TBCD: variants seen among roughly 807,000 people sequenced by gnomAD.
TBCD encodes the protein tubulin-specific chaperone D.
A neutral mutation model predicts 169.3 loss-of-function variants in TBCD; 105 were observed. The observed-to-expected ratio is 0.62, with a 90% CI of 0.53 to 0.73. TBCD has a LOEUF of 0.73. Among genes scored for constraint, TBCD ranks in the 30% least tolerant of loss-of-function variants. The pLI, the probability that TBCD is intolerant of heterozygous loss-of-function variation, is 0.00. For missense variants in TBCD, 1,444 were observed against 1,600.1 expected (o/e 0.90, Z 1.66); for synonymous variants, 700 against 643.9 (o/e 1.09, Z -1.32).
chr17:82,886,889 C>T (rs1466026116), intron 15 of TBCD, among the ~76,000 whole-genome samples: 3 of 151,212 alleles, frequency 2.0e-5, no homozygotes, highest in Non-Finnish European at 3.0e-5. Flanking sequence ...AGGATGGTCT[C>T]GAACTCCTGA....
chr17:82,910,813 G>A (rs959251339), intron 22 of TBCD, among the ~76,000 whole-genome samples: 4 of 152,170 alleles, frequency 2.6e-5, no homozygotes, highest in African/African-American at 4.8e-5. Context: ...CGATCCGCCC[G>A]CCTCGGCCTT....
chr17:82,800,859 T>A lies in TBCD; in HGVS notation c.818-5T>A. ...TCCTGCGCTGAGTCCAGTTCTTGTT[T>A]GCAGCTGCCACTGTCCTCAGGTGCC... On this transcript the variant is annotated splice_region_variant and splice_polypyrimidine_tract_variant and intron_variant, in intron 8 of 38. Transcript: ENST00000355528. 2 of 1,611,832 alleles carry A rather than the reference T, an allele frequency of 1.2e-6. No homozygotes were observed. The highest frequency in any genetic ancestry group is 1.7e-6 in the Non-Finnish European group (2 of 1,179,238).
rs887922919 is a variant in TBCD at position 82,927,431 on chromosome 17, C to A, written c.2609+108C>A. The A allele has an allele frequency of 4.2e-6, 6 of 1,426,114 alleles. No homozygotes were observed. In the African/African-American group the frequency reaches 8.6e-5, roughly 21 times the overall value. 88.3% of individuals were successfully genotyped at this position (1,426,114 alleles called of 1,614,324 possible). ...AGGGAGAAATCTTTGTAGATTTGTG[C>A]CGTGTTTTGCGTTTTAAAGGCTCTG... On this transcript the variant is annotated intron_variant, in intron 29 of 38. Coordinates refer to ENST00000355528, the MANE Select transcript of TBCD (RefSeq NM_005993.5).
chr17:82,852,749 C>T (rs1362833344), intron 13 of TBCD, among the ~76,000 whole-genome samples: 2 of 152,174 alleles, frequency 1.3e-5, no homozygotes, highest in South Asian at 2.1e-4. Flanking sequence ...ACATGGAGGC[C>T]GCATTTTATT....
chr17:82,860,867 G>A (rs566899738), intron 13 of TBCD, among the ~76,000 whole-genome samples: 5 of 152,322 alleles, frequency 3.3e-5, no homozygotes, highest in Admixed American at 2.0e-4. Flanking sequence ...ATGCTCTGGC[G>A]GGCGGCACTG....
Position 82,944,948 on chromosome 17 carries a change from G to A in TBCD, c.*2485G>A, listed in dbSNP as rs1182410680. Reference sequence around the variant, plus strand: ...TATCTCAATCTATCTCCCCTGAAGTGGCCTGAATTAATACTACCTGTATGA... The same window carrying A: ...TATCTCAATCTATCTCCCCTGAAGTAGCCTGAATTAATACTACCTGTATGA... On this transcript the variant is annotated 3_prime_UTR_variant, in exon 39 of 39. Transcript: ENST00000355528. 1.3e-5 allele frequency: 2 copies of A among 152,178 alleles called. No homozygotes were observed. Among genetic ancestry groups the A allele is most frequent in the Non-Finnish European group, 2.9e-5 (2 of 68,044 alleles). 9.4% of individuals were successfully genotyped at this position (152,178 alleles called of 1,614,324 possible). A position where few individuals can be genotyped will look rare whatever the true frequency, so the allele number is the denominator to read the frequency against.
chr17:82,758,866 G>A (rs1301297003), intron 2 of TBCD, among the ~76,000 whole-genome samples: 2 of 151,334 alleles, frequency 1.3e-5, no homozygotes, highest in Non-Finnish European at 2.9e-5. Flanking sequence ...TCACCATGTT[G>A]GCCAGGCTGG....
intron 13 of TBCD, among the ~76,000 whole-genome samples, chr17:82,829,108 C>T (rs867004254): frequency 2.7e-5 from 4 of 150,890 alleles, no homozygotes; most frequent in Non-Finnish European, 3.0e-5. Flanking sequence ...ATGCGCACCC[C>T]CCACAGATAT....
chr17:82,819,653 C>T (rs979848485), intron 13 of TBCD, among the ~76,000 whole-genome samples: 3 of 152,158 alleles, frequency 2.0e-5, no homozygotes, highest in African/African-American at 7.2e-5. Flanking sequence ...GCTGCACTCA[C>T]GCGATCCTCC....
rs1461015939 is a variant in TBCD, at chr17:82,752,190, C to G, written c.-4C>G. ...GGCGGGGGCGCGGTCCCCAGGCTGC[C>G]GAGATGGCCCTGAGCGACGAACCGG... is the stretch of plus-strand genomic sequence containing the variant. On this transcript the variant is annotated 5_prime_UTR_variant, in exon 1 of 39. Transcript: ENST00000355528. 14 of 1,516,082 alleles carry G rather than the reference C, an allele frequency of 9.2e-6. No homozygotes were observed. The highest frequency in any genetic ancestry group is 1.1e-5 in the Non-Finnish European group (13 of 1,134,526). The allele number at this position is 1,516,082 out of a possible 1,614,324, so 93.9% of individuals were successfully genotyped here.
At chr17:82,790,500 TG>T (rs1009744154) in intron 7 of TBCD, among the ~76,000 whole-genome samples, 3 of 152,102 alleles carry the variant, frequency 2.0e-5, no homozygotes, top group African/African-American at 4.8e-5. Context: ...CCGTGTGTCC[TG>T]GTGTCTTTGC....
chr17:82,787,525 C>T (rs758432531), intron 7 of TBCD, among the ~76,000 whole-genome samples: 2 of 152,194 alleles, frequency 1.3e-5, no homozygotes, highest in South Asian at 2.1e-4. Context: ...AGGAGGAAGT[C>T]GTGCTGGGTG....
At chr17:82,929,659 C>CTCCTGGG in intron 32 of TBCD, 159 bp downstream of exon 32, 1 of 1,033,910 alleles carries the variant, frequency 9.7e-7, no homozygotes, top group Non-Finnish European at 1.4e-6. Context: ...CAGTGTCTTC[C>CTCCTGGG]TCATGACCCA....
intron 7 of TBCD, among the ~76,000 whole-genome samples, chr17:82,796,925 G>GT (rs1213819681): frequency 2.6e-5 from 4 of 152,220 alleles, no homozygotes; most frequent in Non-Finnish European, 5.9e-5. Context: ...TTTCCGTGTG[G>GT]TGGGCGACAG....
At chr17:82,768,321 C>G (rs1300630600) in intron 4 of TBCD, 99 bp from the exon 5 acceptor site, 1 of 1,413,846 alleles carries the variant, frequency 7.1e-7, no homozygotes, top group Admixed American at 1.8e-5. Context: ...CTTTCATAGG[C>G]ATTGGGTGGG....
intron 18 of TBCD, among the ~76,000 whole-genome samples, chr17:82,901,130 G>GT (rs1481992746): frequency 6.6e-6 from 1 of 152,266 alleles, no homozygotes; most frequent in East Asian, 1.9e-4. Flanking sequence ...GAGCCCAGCA[G>GT]TTCTTAGTGG....
chr17:82,937,121 G>A, intron 34 of TBCD, 150 bp from the exon 35 acceptor site: 1 of 650,014 alleles, frequency 1.5e-6, no homozygotes, highest in African/African-American at 1.8e-5. Context: ...ATGGGGACCA[G>A]CGGACTTGCT....
intron 13 of TBCD, among the ~76,000 whole-genome samples, chr17:82,826,317 T>C (rs2052845949): frequency 6.6e-6 from 1 of 152,146 alleles, no homozygotes; most frequent in African/African-American, 2.4e-5. Context: ...AAATTATGAG[T>C]ACAGAGTTGA....
rs754339616 is a variant in TBCD at position 82,929,392 on chromosome 17, A to G, written c.2883A>G (p.Ala961=). The G allele has an allele frequency of 1.2e-6, 2 of 1,612,920 alleles. No homozygotes were observed. The highest frequency in any genetic ancestry group is 2.2e-5 in the South Asian group (2 of 91,068). The change falls in exon 32 of 39, where the codon GCA becomes GCG. Residue 961 remains alanine (A), a synonymous_variant. Coordinates refer to ENST00000355528, the MANE Select transcript of TBCD (RefSeq NM_005993.5). ...ATGTGGCCTCCGTGAACTGGAGTGC[A>G]CCTTCCCAGGCCTTCCCACGCATCA... ...RSDVASVNWS[A]PSQAFPRITQ...
Sources: gnomAD v4.1 joint callset for allele counts (sites outside exome capture counted in the v4.1 genomes callset) on GRCh38, gnomAD v4.1.1 for gene constraint, MANE v1.5 for transcripts, NCBI Gene and HGNC (gene_info 2026-07-23, HGNC 2026-07-21) for gene names.